ACVR2A: variants seen among roughly 807,000 people sequenced by gnomAD.
ACVR2A encodes the protein activin receptor type-2A.
In ACVR2A, 7 loss-of-function variants were observed where a neutral mutation model predicts 61.4. The ratio of observed to expected loss-of-function variants is 0.11; its 90% CI spans 0.06 to 0.21. The LOEUF (loss-of-function observed/expected upper bound fraction) is 0.21. Among genes scored for constraint, ACVR2A ranks in the 10% least tolerant of loss-of-function variants. ACVR2A has a pLI of 1.00. For synonymous variants in ACVR2A, 193 were observed against 208.3 expected (o/e 0.93, Z 0.63); for missense variants, 322 against 621.7 (o/e 0.52, Z 5.13).
chr2:147,922,849 C>T (rs185246052), intron 8 of ACVR2A, 124 bp from the exon 9 acceptor site: 29 of 857,576 alleles, frequency 3.4e-5, no homozygotes, highest in South Asian at 1.0e-4. Context: ...TCTATTTATA[C>T]GCTATAGTGT....
chr2:147,904,113 C>T (rs557694498), intron 4 of ACVR2A, among the ~76,000 whole-genome samples: 2 of 152,068 alleles, frequency 1.3e-5, no homozygotes, highest in South Asian at 4.1e-4. Context: ...TAATCACAGA[C>T]TGAAGCATCC....
Position 147,906,606 on chromosome 2 carries a change from T to A in ACVR2A, c.528+6708T>A, listed in dbSNP as rs559277898. 1.2e-4 allele frequency among the ~76,000 whole-genome samples: 18 copies of A among 152,308 alleles called. 1 individual carries two copies. The South Asian group carries it at 3.7e-3, about 32-fold the overall frequency. Reference sequence around the variant, plus strand: ...CTAAGTGCTCAGTAAGTATTCACTGTTATTGGTGTTAGAGTAACAGCTTCA... The same window carrying A: ...CTAAGTGCTCAGTAAGTATTCACTGATATTGGTGTTAGAGTAACAGCTTCA... On this transcript the variant is annotated intron_variant, in intron 4 of 10. Coordinates refer to ENST00000241416, the MANE Select transcript of ACVR2A (RefSeq NM_001616.5).
intron 4 of ACVR2A, among the ~76,000 whole-genome samples, chr2:147,910,611 T>C (rs952050624): frequency 3.9e-5 from 6 of 152,148 alleles, no homozygotes; most frequent in African/African-American, 1.4e-4. Flanking sequence ...TATAGAAATA[T>C]TGGAAACTGG....
chr2:147,912,450 A>T (rs62169524), intron 4 of ACVR2A, among the ~76,000 whole-genome samples: 12 of 151,884 alleles, frequency 7.9e-5, no homozygotes, highest in African/African-American at 2.7e-4. Context: ...TGGTTTCTCT[A>T]TGTAGCCAGG....
At chr2:147,871,269 C>G (rs1299514013) in intron 1 of ACVR2A, among the ~76,000 whole-genome samples, 4 of 151,586 alleles carry the variant, frequency 2.6e-5, no homozygotes, top group African/African-American at 4.8e-5. Flanking sequence ...TTTCCTTTGT[C>G]TTTGTCAATG....
chr2:147,886,740 T>A (rs1299198012), intron 1 of ACVR2A, among the ~76,000 whole-genome samples: 1 of 151,984 alleles, frequency 6.6e-6, no homozygotes, highest in Non-Finnish European at 1.5e-5. Flanking sequence ...AGAACTCAAG[T>A]AAGATGGATA....
At chr2:147,874,443 C>T (rs1053488874) in intron 1 of ACVR2A, among the ~76,000 whole-genome samples, 1 of 151,910 alleles carries the variant, frequency 6.6e-6, no homozygotes, top group Non-Finnish European at 1.5e-5. Flanking sequence ...ATGTTTATAT[C>T]ACATCTTCTA....
chr2:147,849,973 C>A (rs961095603), intron 1 of ACVR2A, among the ~76,000 whole-genome samples: 2 of 152,138 alleles, frequency 1.3e-5, no homozygotes, highest in African/African-American at 2.4e-5. Context: ...TTTGATATTT[C>A]ATGAGTCCAA....
At chr2:147,872,165 G>T (rs1184296397) in intron 1 of ACVR2A, among the ~76,000 whole-genome samples, 1 of 151,916 alleles carries the variant, frequency 6.6e-6, no homozygotes. Flanking sequence ...TCTTAAGTGT[G>T]TTCCACCTGC....
At chr2:147,887,791 G>C (rs1188776473) in intron 1 of ACVR2A, among the ~76,000 whole-genome samples, 4 of 152,128 alleles carry the variant, frequency 2.6e-5, no homozygotes, top group Non-Finnish European at 5.9e-5. Flanking sequence ...AACGTATATA[G>C]ACAACTGATT....
chr2:147,884,476 T>A (rs976846062), intron 1 of ACVR2A, among the ~76,000 whole-genome samples: 2 of 152,172 alleles, frequency 1.3e-5, no homozygotes, highest in Non-Finnish European at 2.9e-5. Flanking sequence ...CCTAACTTAT[T>A]CTGGGCAATA....
At chr2:147,876,356 C>G (rs1686154207) in intron 1 of ACVR2A, among the ~76,000 whole-genome samples, 1 of 151,950 alleles carries the variant, frequency 6.6e-6, no homozygotes, top group African/African-American at 2.4e-5. Context: ...AAATATGTAT[C>G]AAAAGTGAGC....
intron 1 of ACVR2A, among the ~76,000 whole-genome samples, chr2:147,845,490 C>T (rs1685287377): frequency 6.6e-6 from 1 of 152,074 alleles, no homozygotes; most frequent in African/African-American, 2.4e-5. Flanking sequence ...GGCCATAACA[C>T]TGGATGACAG....
At chr2:147,899,365 C>T (rs1686818614) in intron 2 of ACVR2A, 93 bp from the exon 3 acceptor site, 10 of 799,974 alleles carry the variant, frequency 1.3e-5, no homozygotes, top group Admixed American at 3.3e-5. Context: ...ATATAAATGA[C>T]TAATTTATTA....
intron 5 of ACVR2A, among the ~76,000 whole-genome samples, chr2:147,915,946 T>C (rs889937756): frequency 2.0e-5 from 3 of 151,872 alleles, no homozygotes; most frequent in Non-Finnish European, 4.4e-5. Flanking sequence ...AGATTTATGA[T>C]GATTCTGTCT....
intron 8 of ACVR2A, among the ~76,000 whole-genome samples, chr2:147,921,861 T>C (rs1687388935): frequency 6.6e-6 from 1 of 152,198 alleles, no homozygotes; most frequent in Admixed American, 6.5e-5. Flanking sequence ...TTAAAAATTA[T>C]TGGCTTACAG....
At chr2:147,895,591 A>G (rs1417733152) in intron 1 of ACVR2A, among the ~76,000 whole-genome samples, 2 of 152,184 alleles carry the variant, frequency 1.3e-5, no homozygotes. Flanking sequence ...GATACATACC[A>G]TAGATTGAGG....
intron 1 of ACVR2A, among the ~76,000 whole-genome samples, chr2:147,868,793 C>CTAATTTTT (rs1185963792): frequency 6.6e-6 from 1 of 151,770 alleles, no homozygotes; most frequent in Non-Finnish European, 1.5e-5. Context: ...CCACACCTGG[C>CTAATTTTT]TAATTTTTTA....
At chr2:147,861,980 T>C (rs1573916360) in intron 1 of ACVR2A, among the ~76,000 whole-genome samples, 1 of 152,260 alleles carries the variant, frequency 6.6e-6, no homozygotes, top group Non-Finnish European at 1.5e-5. Flanking sequence ...AGGTTCTGTT[T>C]TGTTTTAACT....
Sources: allele counts gnomAD v4.1 joint callset (sites outside exome capture counted in the v4.1 genomes callset), GRCh38; gene constraint gnomAD v4.1.1; transcripts MANE v1.5; gene names NCBI Gene and HGNC (gene_info 2026-07-23, HGNC 2026-07-21).